ELAC2: variants seen among roughly 807,000 people sequenced by gnomAD.
ELAC2 encodes zinc phosphodiesterase ELAC protein 2.
A neutral mutation model predicts 105.2 loss-of-function variants in ELAC2; 92 were observed. The ratio of observed to expected loss-of-function variants is 0.87; its 90% CI spans 0.74 to 1.04. The LOEUF (loss-of-function observed/expected upper bound fraction) is 1.04, where lower values mean the gene tolerates loss of function less well. Ranked by LOEUF, ELAC2 falls within the 50% of genes least tolerant of loss-of-function variation. The pLI, the probability that ELAC2 is intolerant of heterozygous loss-of-function variation, is 0.00. For missense variants in ELAC2, 1,099 were observed against 1,071.7 expected (o/e 1.03, Z -0.36); for synonymous variants, 468 against 409.1 (o/e 1.14, Z -1.74).
chr17:13,006,058 T>C (rs1319636026), intron 8 of ELAC2, 79 bp from the exon 9 acceptor site: 2 of 1,400,962 alleles, frequency 1.4e-6, no homozygotes, highest in Non-Finnish European at 2.0e-6. Context: ...TAGAAGTGTA[T>C]TTTTCTAGAT....
chr17:13,014,601 G>A (rs2041620708), intron 4 of ELAC2, 105 bp from the exon 5 acceptor site: 1 of 851,472 alleles, frequency 1.2e-6, no homozygotes, highest in Non-Finnish European at 2.0e-6. Flanking sequence ...ATAAAACAAA[G>A]CTTAGTAAAT....
intron 8 of ELAC2, among the ~76,000 whole-genome samples, chr17:13,006,792 T>C (rs761031279): frequency 7.9e-5 from 12 of 152,226 alleles, no homozygotes; most frequent in Non-Finnish European, 1.3e-4. Flanking sequence ...GGCAATATAA[T>C]GTCACTGCTT....
Position 12,992,973 on chromosome 17 carries a change from C to G in ELAC2, c.2326G>C (p.Glu776Gln), listed in dbSNP as rs759606875. The change falls in exon 24 of 24, where the codon GAG (glutamate) becomes CAG (glutamine). Residue 776 changes from glutamate (E) to glutamine (Q), a missense_variant. Transcript: ENST00000338034. ...TTCTCCCTGCGCTCCTCCATCTCCT[C>G]GATGTCGCCAGCAAACAGGGCTTTC... ...PLKALFAGDIEEMEERREKRE... is the reference protein window; with the variant it reads ...PLKALFAGDIQEMEERREKRE... 3 of 1,603,772 alleles carry G rather than the reference C, an allele frequency of 1.9e-6. No homozygotes were observed. Among genetic ancestry groups the G allele is most frequent in the Non-Finnish European group, 2.6e-6 (3 of 1,174,060 alleles).
At chr17:13,015,899 C>A in intron 3 of ELAC2, 67 bp from the exon 4 acceptor site, 1 of 1,211,072 alleles carries the variant, frequency 8.3e-7, no homozygotes. Flanking sequence ...GGAGGAGCAC[C>A]CCGTACTAAT....
chr17:12,997,283 C>A (rs537904390), intron 16 of ELAC2, among the ~76,000 whole-genome samples: 1 of 152,314 alleles, frequency 6.6e-6, no homozygotes, highest in South Asian at 2.1e-4. Context: ...ACTTCTTGGG[C>A]TATTCTGCTG....
At chr17:13,013,392 T>C in intron 5 of ELAC2, 117 bp from the exon 6 acceptor site, 2 of 1,123,018 alleles carry the variant, frequency 1.8e-6, no homozygotes, top group Non-Finnish European at 2.6e-6. Flanking sequence ...GGTGGGAATC[T>C]GACACGAAAA....
intron 15 of ELAC2, 54 bp downstream of exon 15, chr17:13,000,102 A>G: frequency 6.5e-7 from 1 of 1,546,646 alleles, no homozygotes; most frequent in African/African-American, 1.4e-5. Flanking sequence ...CTAGGAAAAC[A>G]GCAGCAGGGG....
chr17:13,015,875 T>C (rs1023828678), intron 3 of ELAC2, 43 bp from the exon 4 acceptor site: 10 of 1,509,084 alleles, frequency 6.6e-6, no homozygotes, highest in Non-Finnish European at 8.3e-6. Flanking sequence ...CAATTTGACC[T>C]GTCGTCACTA....
intron 2 of ELAC2, 31 bp from the exon 3 acceptor site, chr17:13,016,963 AC>A (rs1220818460): frequency 6.2e-7 from 1 of 1,613,670 alleles, no homozygotes; most frequent in Non-Finnish European, 8.5e-7. Context: ...AAACAGGATA[AC>A]ATGAACAGAA....
Position 13,002,263 on chromosome 17 carries a change from A to ATGGCACAG in ELAC2, c.1304+3_1304+10dup. 1 of 1,613,738 alleles carries ATGGCACAG rather than the reference A, an allele frequency of 6.2e-7. No individual in the cohort carries two copies. The highest frequency in any genetic ancestry group is 8.5e-7 in the Non-Finnish European group (1 of 1,179,686). On this transcript the variant is annotated intron_variant, in intron 14 of 23. Coordinates refer to ENST00000338034, the MANE Select transcript of ELAC2 (RefSeq NM_018127.7). ...ACTGAGACGATTCCATTAGTTCAAG[A>ATGGCACAG]TGGCACAGACCTCTGCCACTCCCTC... is the stretch of plus-strand genomic sequence containing the variant.
In ELAC2 at chr17:13,010,657, T is replaced by G; in HGVS notation, c.694A>C (p.Arg232=). ...PHLPHGVSQR[R]GVRDSSLVVA... is the part of the protein sequence containing the mutation. ...ACCAGGGAAGAGTCCCTGACCCCTC[T>G]TCTCTGGCTAACACCTGAGGAAAAA... The change falls in exon 8 of 24, where the codon AGA becomes CGA. Residue 232 remains arginine, a synonymous_variant. Transcript: ENST00000338034. 2 of 1,614,106 alleles carry G rather than the reference T, an allele frequency of 1.2e-6. No homozygotes were observed. The highest frequency in any genetic ancestry group is 8.5e-7 in the Non-Finnish European group (1 of 1,180,002).
intron 1 of ELAC2, chr17:13,017,497 C>T (rs1192804020): frequency 9.0e-7 from 1 of 1,116,844 alleles, no homozygotes; most frequent in East Asian, 2.6e-5. Flanking sequence ...ACGCTCAGAC[C>T]CAGGCCTGAA....
intron 23 of ELAC2, 49 bp from the exon 24 acceptor site, chr17:12,993,094 G>C (rs372457406): frequency 1.4e-5 from 22 of 1,572,874 alleles, no homozygotes; most frequent in Admixed American, 6.7e-5. Flanking sequence ...GGGCAGGGGT[G>C]GGGGACAGGA....
chr17:13,005,689 A>G, intron 10 of ELAC2, 64 bp downstream of exon 10: 1 of 1,557,810 alleles, frequency 6.4e-7, no homozygotes, highest in Non-Finnish European at 8.9e-7. Context: ...TGAAGAAGAC[A>G]GACTCTGCCC....
intron 1 of ELAC2, 101 bp from the exon 2 acceptor site, chr17:13,017,222 G>GAA: frequency 9.0e-7 from 1 of 1,105,200 alleles, no homozygotes; most frequent in Non-Finnish European, 1.3e-6. Flanking sequence ...AAAAAAAAAA[G>GAA]AAAAAAAAAT....
intron 12 of ELAC2, 95 bp downstream of exon 12, chr17:13,003,384 G>A: frequency 8.8e-7 from 1 of 1,137,084 alleles, no homozygotes. Context: ...GGTGCAGAAG[G>A]GTAGGTAGCG....
chr17:12,995,206 GCAGT>G (rs2143558410), intron 19 of ELAC2, 144 bp from the exon 20 acceptor site: 1 of 922,982 alleles, frequency 1.1e-6, no homozygotes, highest in Non-Finnish European at 1.7e-6. Flanking sequence ...TGAGGAAACA[GCAGT>G]CAAATATAAA....
intron 14 of ELAC2, among the ~76,000 whole-genome samples, 189 bp downstream of exon 14, chr17:13,002,085 G>A (rs990684171): frequency 2.0e-5 from 3 of 152,250 alleles, no homozygotes; most frequent in Admixed American, 6.5e-5. Flanking sequence ...ATAAATTCAC[G>A]CTGGCACACA....
At chr17:12,993,546 C>A in intron 23 of ELAC2, 141 bp downstream of exon 23, 1 of 1,300,456 alleles carries the variant, frequency 7.7e-7, no homozygotes, top group Non-Finnish European at 1.1e-6. Flanking sequence ...GTGGTTCGAC[C>A]TGGTTAGTGA....
Sources: gnomAD v4.1 joint callset for allele counts (sites outside exome capture counted in the v4.1 genomes callset) on GRCh38, gnomAD v4.1.1 for gene constraint, MANE v1.5 for transcripts, NCBI Gene and HGNC (gene_info 2026-07-23, HGNC 2026-07-21) for gene names.